The following NSFL1C variants were observed in gnomAD, a reference collection of about 807,000 sequenced individuals.
The protein encoded by NSFL1C is NSFL1 cofactor.
In NSFL1C, 14 loss-of-function variants were observed where a neutral mutation model predicts 43.1. That is an observed-to-expected ratio of 0.32 (90% CI 0.21 to 0.51). The LOEUF (loss-of-function observed/expected upper bound fraction) is 0.51, where lower values mean the gene tolerates loss of function less well. Ranked by LOEUF, NSFL1C falls within the 20% of genes least tolerant of loss-of-function variation. The probability of loss-of-function intolerance (pLI) is 0.98; values close to 1 mark genes in which losing one functional copy is unlikely to be tolerated. For missense variants in NSFL1C, 406 were observed against 472.5 expected (o/e 0.86, Z 1.30); for synonymous variants, 171 against 183.5 (o/e 0.93, Z 0.55).
chr20:1,448,398 G>A (rs2090114816), intron 7 of NSFL1C, among the ~76,000 whole-genome samples: 1 of 152,356 alleles, frequency 6.6e-6, no homozygotes, highest in East Asian at 1.9e-4. Flanking sequence ...TTGTGAGGAT[G>A]AGACGAGATA....
chr20:1,466,623 G>T, intron 1 of NSFL1C, 97 bp downstream of exon 1: 1 of 1,177,740 alleles, frequency 8.5e-7, no homozygotes, highest in Non-Finnish European at 1.2e-6. Context: ...GTAGAGCGGG[G>T]ATGACTGTGC....
intron 5 of NSFL1C, 71 bp from the exon 6 acceptor site, chr20:1,453,211 G>T: frequency 1.2e-6 from 1 of 848,632 alleles, no homozygotes; most frequent in Non-Finnish European, 2.0e-6. Context: ...CAAATTAGCA[G>T]GTTTTTACTA....
At chr20:1,449,815 T>C (rs2090147470) in intron 7 of NSFL1C, among the ~76,000 whole-genome samples, 1 of 152,114 alleles carries the variant, frequency 6.6e-6, no homozygotes, top group African/African-American at 2.4e-5. Context: ...AGACCAGCCA[T>C]CTTCTCCACA....
At chr20:1,446,108 C>CT (rs1247724711) in intron 7 of NSFL1C, 1 of 522,568 alleles carries the variant, frequency 1.9e-6, no homozygotes, top group Admixed American at 2.9e-5. Context: ...TCCTTGGTGT[C>CT]TTCAACTGAA....
intron 7 of NSFL1C, among the ~76,000 whole-genome samples, chr20:1,451,847 CA>C (rs2090187186): frequency 6.6e-6 from 1 of 152,178 alleles, no homozygotes; most frequent in Non-Finnish European, 1.5e-5. Flanking sequence ...AAGGCAGTAG[CA>C]GAGGACACAA....
intron 7 of NSFL1C, among the ~76,000 whole-genome samples, chr20:1,448,311 C>G (rs1251158816): frequency 6.6e-6 from 1 of 152,240 alleles, no homozygotes; most frequent in African/African-American, 2.4e-5. Flanking sequence ...TGCCTCTAAA[C>G]AGACAGTGTG....
chr20:1,448,669 G>A (rs1450897536), intron 7 of NSFL1C, among the ~76,000 whole-genome samples: 1 of 152,210 alleles, frequency 6.6e-6, no homozygotes, highest in Non-Finnish European at 1.5e-5. Flanking sequence ...GCCAGGCCCT[G>A]TGCTGAGTAC....
chr20:1,455,783 G>A (rs567043062), intron 3 of NSFL1C: 1 of 778,016 alleles, frequency 1.3e-6, no homozygotes, highest in African/African-American at 1.7e-5. Flanking sequence ...ACAGAGTAAT[G>A]CACACAGGTA....
intron 1 of NSFL1C, among the ~76,000 whole-genome samples, chr20:1,465,378 T>C (rs1159738619): frequency 6.6e-6 from 1 of 152,190 alleles, no homozygotes; most frequent in Admixed American, 6.5e-5. Context: ...CAAGTCCTGT[T>C]CCTGCCAGGC....
chr20:1,459,808 T>C (rs993019951), intron 2 of NSFL1C, among the ~76,000 whole-genome samples: 1 of 152,220 alleles, frequency 6.6e-6, no homozygotes, highest in African/African-American at 2.4e-5. Context: ...GTTCCACTCA[T>C]TCATCTTCCC....
intron 3 of NSFL1C, chr20:1,455,794 A>T (rs769719134): frequency 1.3e-6 from 1 of 776,868 alleles, no homozygotes; most frequent in Non-Finnish European, 2.4e-6. Flanking sequence ...CACACAGGTA[A>T]GGTGGTGTGA....
intron 7 of NSFL1C, 81 bp downstream of exon 7, chr20:1,452,412 C>A: frequency 1.3e-6 from 2 of 1,534,782 alleles, no homozygotes; most frequent in South Asian, 1.2e-5. Context: ...AGCTAATAAC[C>A]AAAGTGAGTG....
chr20:1,445,828 G>C lies in NSFL1C; in HGVS notation c.788C>G (p.Thr263Ser). The C allele has an allele frequency of 6.2e-7, 1 of 1,613,986 alleles. No individual in the cohort carries two copies. Among genetic ancestry groups the C allele is most frequent in the Non-Finnish European group, 8.5e-7 (1 of 1,179,944 alleles). ...FTGEGQKLGS[T>S]APQVLSTSSP... ...GCTGGTACTCAACACCTGGGGGGCA[G>C]TGCTGAGGAGAGAGGATGGCATCAG... Residue 263 changes from threonine (T) to serine (S), a missense_variant and splice_region_variant, in exon 8 of 9, where the codon ACT becomes AGT. Thr to Ser is a moderately conservative substitution (Grantham distance 58). This residue lies in a region of NSFL1C where 196 missense variants were observed against 228.0 expected (regional missense o/e 0.86). Coordinates refer to ENST00000216879, the MANE Select transcript of NSFL1C (RefSeq NM_016143.5).
At chr20:1,445,879 G>C (rs574336746) in intron 7 of NSFL1C, 49 bp from the exon 8 acceptor site, 1 of 1,586,608 alleles carries the variant, frequency 6.3e-7, no homozygotes, top group South Asian at 1.1e-5. Context: ...AAGGCCCCTA[G>C]CAAGAAGGGA....
At position 1,443,717 on chromosome 20, in the gene NSFL1C, A is replaced by G; in HGVS notation, c.*32T>C. ...GGCATGGCCACTGGCCATGGGAAAC[A>G]CAGGAGGGAGGCCAGGCAGCTGGCT... On this transcript the variant is annotated 3_prime_UTR_variant, in exon 9 of 9. Transcript: ENST00000216879. 1 of 1,611,558 alleles carries G rather than the reference A, an allele frequency of 6.2e-7. No individual in the cohort carries two copies. The highest frequency in any genetic ancestry group is 8.5e-7 in the Non-Finnish European group (1 of 1,178,064).
intron 4 of NSFL1C, among the ~76,000 whole-genome samples, chr20:1,454,662 T>C (rs1013727261): frequency 6.6e-6 from 1 of 152,244 alleles, no homozygotes; most frequent in Non-Finnish European, 1.5e-5. Context: ...CCCGATTTTA[T>C]ATAAAACAGA....
In NSFL1C at chr20:1,455,165, C is replaced by G. The variant is rs755472138; in HGVS notation, c.279-33G>C. On this transcript the variant is annotated intron_variant, in intron 3 of 8. Coordinates refer to ENST00000216879, the MANE Select transcript of NSFL1C (RefSeq NM_016143.5). The stretch of plus-strand genomic sequence containing the variant: ...CAAAATACACCTCTAACATGAAACA[C>G]TCATGGAAAACATGAATAGAGCATG... 6 of 1,613,182 alleles carry G rather than the reference C, an allele frequency of 3.7e-6. No individual in the cohort carries two copies. The South Asian group carries it at 6.6e-5, about 18-fold the overall frequency.
Position 1,445,663 on chromosome 20 carries a change from T to C in NSFL1C, c.950+3A>G. On this transcript the variant is annotated splice_donor_region_variant and intron_variant, in intron 8 of 8. Transcript: ENST00000216879. ...ATAAGCTAGGCCACACAATGCAAGGTACCTGTGGCTGTGGTTAAATTTCTG... is the reference window on the plus strand; with the variant it reads ...ATAAGCTAGGCCACACAATGCAAGGCACCTGTGGCTGTGGTTAAATTTCTG... 1 of 1,612,150 alleles carries C rather than the reference T, an allele frequency of 6.2e-7. No homozygotes were observed. Among genetic ancestry groups the C allele is most frequent in the Non-Finnish European group, 8.5e-7 (1 of 1,179,784 alleles).
At chr20:1,452,191 G>A (rs1197226854) in intron 7 of NSFL1C, among the ~76,000 whole-genome samples, 3 of 152,148 alleles carry the variant, frequency 2.0e-5, no homozygotes, top group Non-Finnish European at 2.9e-5. Flanking sequence ...ACATGCATCA[G>A]CTCACTTATT....
Sources: allele counts gnomAD v4.1 joint callset (sites outside exome capture counted in the v4.1 genomes callset), GRCh38; gene constraint gnomAD v4.1.1; regional missense constraint gnomAD v4.1.1; transcripts MANE v1.5; gene names NCBI Gene and HGNC (gene_info 2026-07-23, HGNC 2026-07-21).